Variants in EML5 observed in about 807,000 individuals in gnomAD.
The protein encoded by EML5 is echinoderm microtubule-associated protein-like 5.
In EML5, 120 loss-of-function variants were observed where a neutral mutation model predicts 250.0. The observed-to-expected ratio is 0.48, with a 90% confidence interval of 0.41 to 0.56. EML5 has a LOEUF of 0.56. Ranked by LOEUF, EML5 falls within the 20% of genes least tolerant of loss-of-function variation. The pLI is 0.00. For synonymous variants in EML5, 771 were observed against 806.5 expected, an observed-to-expected ratio of 0.96 and a Z score of 0.75; for missense variants, 2,006 against 2,437.6, an observed-to-expected ratio of 0.82 and a Z score of 3.73.
intron 7 of EML5, among the ~76,000 whole-genome samples, chr14:88,729,122 A>G (rs1460797671): frequency 6.6e-6 from 1 of 151,936 alleles, no homozygotes; most frequent in Non-Finnish European, 1.5e-5. Flanking sequence ...AATGGCAGTT[A>G]TTTTTTTCCT....
At chr14:88,721,639 T>C (rs1260497047) in intron 8 of EML5, among the ~76,000 whole-genome samples, 1 of 152,080 alleles carries the variant, frequency 6.6e-6, no homozygotes, top group Non-Finnish European at 1.5e-5. Flanking sequence ...AAGACTTAAA[T>C]GTAAAACACA....
chr14:88,713,592 G>A (rs919337615), intron 9 of EML5, among the ~76,000 whole-genome samples: 19 of 149,792 alleles, frequency 1.3e-4, no homozygotes, highest in African/African-American at 4.4e-4. Flanking sequence ...TCCTCCCACT[G>A]CAGGTGCATG....
chr14:88,750,455 G>T (rs952763114), intron 2 of EML5, among the ~76,000 whole-genome samples: 2 of 152,082 alleles, frequency 1.3e-5, no homozygotes. Flanking sequence ...CCTCACAGGG[G>T]TTACTGTGAA....
At position 88,698,455 on chromosome 14, in the gene EML5, T is replaced by TGGG. The variant is rs2141374946; in HGVS notation, c.2239-1506_2239-1504dup. ...CTAATTTTTGTATTTTTTGTAAAGA[T>TGGG]GGGGTTTCACTACGTGTCCAGGCTG... On this transcript the variant is annotated intron_variant, in intron 14 of 43. Transcript: ENST00000554922. Among the ~76,000 whole-genome samples the TGGG allele has an allele frequency of 2.0e-5, 3 of 152,032 alleles. 1 individual carries two copies. The South Asian group carries it at 6.2e-4, about 32-fold the overall frequency.
intron 23 of EML5, 73 bp from the exon 24 acceptor site, chr14:88,663,192 T>A: frequency 9.7e-7 from 1 of 1,030,914 alleles, no homozygotes; most frequent in Non-Finnish European, 1.3e-6. Flanking sequence ...GTATGATGTT[T>A]AAGTTTTATG....
At chr14:88,695,276 T>C in intron 16 of EML5, 85 bp downstream of exon 16, 4 of 1,039,358 alleles carry the variant, frequency 3.8e-6, no homozygotes, top group Non-Finnish European at 5.6e-6. Context: ...ATTTGCTTGA[T>C]TTCAAAATTC....
intron 1 of EML5, among the ~76,000 whole-genome samples, chr14:88,787,512 TA>T (rs2094563319): frequency 6.6e-6 from 1 of 152,192 alleles, no homozygotes; most frequent in African/African-American, 2.4e-5. Context: ...GGAAAATAAT[TA>T]AATGTAAATC....
At chr14:88,746,515 T>C (rs2094006492) in intron 2 of EML5, among the ~76,000 whole-genome samples, 1 of 152,140 alleles carries the variant, frequency 6.6e-6, no homozygotes, top group Non-Finnish European at 1.5e-5. Context: ...TTTCTAACAG[T>C]AGGATTGACA....
chr14:88,645,277 C>T (rs1490468959), intron 29 of EML5, among the ~76,000 whole-genome samples: 4 of 152,092 alleles, frequency 2.6e-5, no homozygotes, highest in Non-Finnish European at 5.9e-5. Flanking sequence ...CCGCCTACCT[C>T]GGCCTCCCAA....
At chr14:88,763,922 A>C (rs1439332810) in intron 1 of EML5, among the ~76,000 whole-genome samples, 6 of 152,198 alleles carry the variant, frequency 3.9e-5, no homozygotes, top group Non-Finnish European at 1.5e-5. Flanking sequence ...TTCTAGTCCT[A>C]GTTTGCTAAG....
chr14:88,631,272 G>A (rs777197204), intron 33 of EML5, among the ~76,000 whole-genome samples: 10 of 152,212 alleles, frequency 6.6e-5, no homozygotes, highest in Non-Finnish European at 1.3e-4. Flanking sequence ...GGAGTGCCAT[G>A]ATGTGATCAT....
chr14:88,711,712 C>T (rs1476412235), intron 10 of EML5, among the ~76,000 whole-genome samples: 2 of 151,954 alleles, frequency 1.3e-5, no homozygotes, highest in Non-Finnish European at 2.9e-5. Context: ...GGGAGGCTGA[C>T]GTGGGGAGAT....
intron 33 of EML5, among the ~76,000 whole-genome samples, chr14:88,629,407 A>G (rs1233544174): frequency 6.6e-6 from 1 of 152,230 alleles, no homozygotes; most frequent in African/African-American, 2.4e-5. Context: ...TAAAACGTAT[A>G]GGTACGTAAG....
At chr14:88,679,870 T>C (rs1335823452) in intron 21 of EML5, among the ~76,000 whole-genome samples, 2 of 152,160 alleles carry the variant, frequency 1.3e-5, no homozygotes, top group African/African-American at 4.8e-5. Context: ...GACTAGTGTA[T>C]AGAATAGTGT....
At chr14:88,773,346 A>C (rs2094413961) in intron 1 of EML5, among the ~76,000 whole-genome samples, 1 of 152,236 alleles carries the variant, frequency 6.6e-6, no homozygotes, top group Non-Finnish European at 1.5e-5. Context: ...CCAATAGAAA[A>C]CAAAAACTTT....
chr14:88,773,125 T>TA, intron 1 of EML5, among the ~76,000 whole-genome samples: 1 of 152,320 alleles, frequency 6.6e-6, no homozygotes, highest in East Asian at 1.9e-4. Context: ...AGTTTACCTT[T>TA]AAATTCAGCC....
At chr14:88,673,161 C>T (rs1343541417) in intron 21 of EML5, among the ~76,000 whole-genome samples, 1 of 152,172 alleles carries the variant, frequency 6.6e-6, no homozygotes, top group Non-Finnish European at 1.5e-5. Context: ...CAAACTGAAT[C>T]CAGCAGCACA....
intron 21 of EML5, among the ~76,000 whole-genome samples, chr14:88,681,241 T>C (rs1595498031): frequency 6.6e-6 from 1 of 152,178 alleles, no homozygotes; most frequent in Admixed American, 6.5e-5. Context: ...AGACGCCACA[T>C]AGAGACAGAC....
intron 21 of EML5, among the ~76,000 whole-genome samples, chr14:88,679,126 A>G (rs1303792028): frequency 2.7e-5 from 4 of 150,108 alleles, no homozygotes; most frequent in African/African-American, 9.8e-5. Flanking sequence ...GCCTTCTTAT[A>G]AGGACATCAG....
Sources: gnomAD v4.1 joint callset for allele counts (sites outside exome capture counted in the v4.1 genomes callset) on GRCh38, gnomAD v4.1.1 for gene constraint, MANE v1.5 for transcripts, NCBI Gene and HGNC (gene_info 2026-07-23, HGNC 2026-07-21) for gene names.